SCN4A: variants seen among roughly 807,000 people sequenced by gnomAD.
The protein encoded by SCN4A is sodium channel protein type 4 subunit alpha.
In SCN4A, 83 loss-of-function variants were observed where a neutral mutation model predicts 162.0. The ratio of observed to expected loss-of-function variants is 0.51; its 90% CI spans 0.43 to 0.61. The LOEUF (loss-of-function observed/expected upper bound fraction) is 0.61, where lower values mean the gene tolerates loss of function less well. Ranked by LOEUF, SCN4A falls within the 20% of genes least tolerant of loss-of-function variation. SCN4A has a pLI of 0.00. For synonymous variants in SCN4A, 944 were observed against 985.1 expected, an observed-to-expected ratio of 0.96 and a Z score of 0.78; for missense variants, 2,196 against 2,462.5, an observed-to-expected ratio of 0.89 and a Z score of 2.29.
intron 23 of SCN4A, among the ~76,000 whole-genome samples, chr17:63,942,428 TG>T (rs1908572580): frequency 6.6e-6 from 1 of 152,188 alleles, no homozygotes; most frequent in African/African-American, 2.4e-5. Flanking sequence ...ATCATGACAT[TG>T]TTATGAACAA....
chr17:63,945,453 G>C lies in SCN4A; in HGVS notation c.3627C>G (p.Cys1209Trp). ...CCTGGCCTGTGTGCATGAGGCTCTC[G>C]CACTCAGACTTGTTGTTGACCTCGG... ...DISEVNNKSE[C>W]ESLMHTGQVR... The change falls in exon 19 of 24, where the codon TGC becomes TGG. Residue 1209 changes from cysteine to tryptophan, a missense_variant. By Grantham distance (215) the Cys-to-Trp change is radical. Coordinates refer to ENST00000435607, the MANE Select transcript of SCN4A (RefSeq NM_000334.4). This position sits in a 1 kb window ranked among gnomAD's most constrained non-coding sequence, Gnocchi z 4.4. 6.2e-7 allele frequency: 1 copy of C among 1,613,890 alleles called. No individual in the cohort carries two copies. The highest frequency in any genetic ancestry group is 8.5e-7 in the Non-Finnish European group (1 of 1,179,806).
At chr17:63,969,498 C>A (rs1909553628) in intron 5 of SCN4A, among the ~76,000 whole-genome samples, 2 of 152,334 alleles carry the variant, frequency 1.3e-5, no homozygotes, top group East Asian at 1.9e-4. Context: ...AGAGGAAAGG[C>A]AATGCCGTCT....
Position 63,945,472 on chromosome 17 carries a change from A to C in SCN4A, c.3608T>G (p.Val1203Gly). 6.2e-7 allele frequency: 1 copy of C among 1,613,918 alleles called. No homozygotes were observed. Among genetic ancestry groups the C allele is most frequent in the Non-Finnish European group, 8.5e-7 (1 of 1,179,866 alleles). The part of the protein sequence containing the change: ...TTSERFDISE[V>G]NNKSECESLM... ...GCTCTCGCACTCAGACTTGTTGTTG[A>C]CCTCGGAGATGTCGAACCTCTCAGA... Residue 1203 changes from valine (V) to glycine (G), a missense_variant, in exon 19 of 24, where the codon GTC becomes GGC. By Grantham distance (109) the Val-to-Gly change is moderately radical (BLOSUM62 -3). Coordinates refer to ENST00000435607, the MANE Select transcript of SCN4A (RefSeq NM_000334.4). This position sits in a 1 kb window ranked among gnomAD's most constrained non-coding sequence, Gnocchi z 4.4.
Position 63,959,247 on chromosome 17 carries a change from C to G in SCN4A, c.2019+18G>C. The G allele has an allele frequency of 6.2e-7, 1 of 1,602,332 alleles. No homozygotes were observed. The highest frequency in any genetic ancestry group is 8.5e-7 in the Non-Finnish European group (1 of 1,171,184). The stretch of plus-strand genomic sequence containing the variant: ...CCCCACCCCCATCCCAGCCCCTGGC[C>G]CTGGGGCTTTTGTGTACCAGACGGA... On this transcript the variant is annotated intron_variant, in intron 12 of 23. Coordinates refer to ENST00000435607, the MANE Select transcript of SCN4A (RefSeq NM_000334.4).
rs755045363 is a variant in SCN4A, at chr17:63,972,434, G to A, written c.310C>T (p.Arg104Cys). The stretch of plus-strand genomic sequence containing the variant: ...TAGAGAGCAGGTGTGGCGGAGAAGC[G>A]GAAGATGGCCTTGCCCTTGTTGAGT... Reference protein sequence around the residue: ...IVLNKGKAIFRFSATPALYLL... With the variant: ...IVLNKGKAIFCFSATPALYLL... The change falls in exon 2 of 24, where the codon CGC (arginine) becomes TGC (cysteine). Residue 104 changes from arginine to cysteine, a missense_variant. By Grantham distance (180) the Arg-to-Cys change is radical (BLOSUM62 -3). Transcript: ENST00000435607. This position sits in a 1 kb window ranked among gnomAD's most constrained non-coding sequence, Gnocchi z 4.3. 5.0e-6 allele frequency: 8 copies of A among 1,613,972 alleles called. No homozygotes were observed. Among genetic ancestry groups the A allele is most frequent in the East Asian group, 2.2e-5 (1 of 44,882 alleles).
In SCN4A at chr17:63,945,476, CGGA is replaced by C; in HGVS notation, c.3601_3603del (p.Ser1201del). 1 of 1,613,960 alleles carries C rather than the reference CGGA, an allele frequency of 6.2e-7. No individual in the cohort carries two copies. Among genetic ancestry groups the C allele is most frequent in the African/African-American group, 1.3e-5 (1 of 75,020 alleles). ...TCGCACTCAGACTTGTTGTTGACCT[CGGA>C]GATGTCGAACCTCTCAGAGGTGGTG... On this transcript the variant is annotated inframe_deletion, in exon 19 of 24. Transcript: ENST00000435607. The surrounding 1 kb of genome is among the most constrained non-coding windows in gnomAD (Gnocchi z 4.4).
chr17:63,972,490 G>A lies in SCN4A; in HGVS notation c.274-20C>T, dbSNP rs763633540. 8 of 1,611,826 alleles carry A rather than the reference G, an allele frequency of 5.0e-6. No homozygotes were observed. Among genetic ancestry groups the A allele is most frequent in the Non-Finnish European group, 5.9e-6 (7 of 1,178,806 alleles). On this transcript the variant is annotated intron_variant, in intron 1 of 23. Transcript: ENST00000435607. This position sits in a 1 kb window ranked among gnomAD's most constrained non-coding sequence, Gnocchi z 4.3. Reference sequence around the variant, plus strand: ...GAAGGTCTAAGGTGGGAGAGAGGCTGTGAGACCCAGGGACAGACAGACAGG... The same window carrying A: ...GAAGGTCTAAGGTGGGAGAGAGGCTATGAGACCCAGGGACAGACAGACAGG...
intron 10 of SCN4A, among the ~76,000 whole-genome samples, chr17:63,961,874 A>ACCCCCGGCTCCAAGCT (rs1567825029): frequency 3.5e-4 from 4 of 11,506 alleles, no homozygotes; most frequent in Non-Finnish European, 4.9e-4. Flanking sequence ...TCAAAGCCCC[A>ACCCCCGGCTCCAAGCT]CCCCCGGCTC....
In SCN4A at chr17:63,942,988, T is replaced by A. The variant is rs2058194; in HGVS notation, c.4126A>T (p.Asn1376Tyr). 6.2e-7 allele frequency: 1 copy of A among 1,613,800 alleles called. No homozygotes were observed. Among genetic ancestry groups the A allele is most frequent in the Non-Finnish European group, 8.5e-7 (1 of 1,179,832 alleles). Residue 1376 changes from asparagine (N) to tyrosine (Y), a missense_variant, in exon 23 of 24, where the codon AAC becomes TAC. Coordinates refer to ENST00000435607, the MANE Select transcript of SCN4A (RefSeq NM_000334.4). Reference sequence around the variant, plus strand: ...ATGTCCACCTTGAGCTGGCTCTGGTTGTCTGTCTCCACCATCATGGTGACC... The same window carrying A: ...ATGTCCACCTTGAGCTGGCTCTGGTAGTCTGTCTCCACCATCATGGTGACC... ...NMVTMMVETDNQSQLKVDILY... is the reference protein window; with the variant it reads ...NMVTMMVETDYQSQLKVDILY...
At chr17:63,966,669 G>T in intron 6 of SCN4A, 125 bp from the exon 7 acceptor site, 1 of 707,474 alleles carries the variant, frequency 1.4e-6, no homozygotes, top group Non-Finnish European at 2.5e-6. Context: ...ATGTTCCCTG[G>T]CTGCCTCTTC....
In SCN4A at chr17:63,940,391, TG is replaced by T; in HGVS notation, c.*379del. 4.8e-6 allele frequency: 1 copy of T among 208,660 alleles called. No homozygotes were observed. 12.9% of individuals were successfully genotyped at this position (208,660 alleles called of 1,614,324 possible). A position where few individuals can be genotyped will look rare whatever the true frequency, so the allele number is the denominator to read the frequency against. Reference sequence around the variant, plus strand: ...CCAGTGACCCTTAAGACTCTGGTGATGGGGGGCAACTGATCCCTCCACCGCA... The same window carrying T: ...CCAGTGACCCTTAAGACTCTGGTGATGGGGGCAACTGATCCCTCCACCGCA... On this transcript the variant is annotated 3_prime_UTR_variant, in exon 24 of 24. Transcript: ENST00000435607.
chr17:63,946,462 G>GCCACCC (rs1908721533), intron 18 of SCN4A, among the ~76,000 whole-genome samples: 1 of 106,662 alleles, frequency 9.4e-6, no homozygotes, highest in African/African-American at 4.4e-5. Context: ...CATTTTTCTT[G>GCCACCC]CCCCCCCCCC....
Position 63,957,256 on chromosome 17 carries a change from T to A in SCN4A, c.2282A>T (p.Glu761Val), listed in dbSNP as rs777866362. 1 of 1,613,692 alleles carries A rather than the reference T, an allele frequency of 6.2e-7. No individual in the cohort carries two copies. The highest frequency in any genetic ancestry group is 8.5e-7 in the Non-Finnish European group (1 of 1,179,720). Residue 761 changes from glutamate (E) to valine (V), a missense_variant, in exon 13 of 24, where the codon GAG becomes GTG. Physicochemically the swap from Glu to Val is moderately radical, Grantham distance 121. Transcript: ENST00000435607. ...GCAGTCCCACATGGTCTCGATCCAC[T>A]CCCCGCACAGGATGCGGAAGACGAT... ...FLIVFRILCG[E>V]WIETMWDCME...
At position 63,964,679 on chromosome 17, in the gene SCN4A, TGGGAGTGGAGGGAGA is replaced by T. The variant is rs771943636; in HGVS notation, c.1243-17_1243-3del. 3.1e-6 allele frequency: 5 copies of T among 1,602,300 alleles called. No individual in the cohort carries two copies. Among genetic ancestry groups the T allele is most frequent in the African/African-American group, 2.7e-5 (2 of 74,846 alleles). On this transcript the variant is annotated splice_region_variant and splice_polypyrimidine_tract_variant and intron_variant, in intron 8 of 23. Transcript: ENST00000435607. The stretch of plus-strand genomic sequence containing the variant: ...GGTCTTGCCAGCTGCTCGAAGGGTC[TGGGAGTGGAGGGAGA>T]GGGAGTGGAGGGGTCCCATGACGTC...
intron 7 of SCN4A, 39 bp downstream of exon 7, chr17:63,966,442 C>T (rs776361912): frequency 6.3e-7 from 1 of 1,588,306 alleles, no homozygotes; most frequent in African/African-American, 1.3e-5. Flanking sequence ...CTTCCAAGAC[C>T]CCTGGGGTGC....
At position 63,961,244 on chromosome 17, in the gene SCN4A, T is replaced by C. The variant is rs779875053; in HGVS notation, c.1794A>G (p.Glu598=). 1.2e-6 allele frequency: 2 copies of C among 1,603,082 alleles called. No individual in the cohort carries two copies. Among genetic ancestry groups the C allele is most frequent in the South Asian group, 2.2e-5 (2 of 90,790 alleles). The part of the protein sequence containing the change: ...IVLNTLFMAM[E]HYPMTEHFDN... The stretch of plus-strand genomic sequence containing the variant: ...CAAAGTGCTCCGTCATGGGGTAATG[T>C]TCCATGGCCATGAAGAGGGTGTTGA... Residue 598 remains glutamate (E), a synonymous_variant, in exon 11 of 24, where the codon GAA becomes GAG. Coordinates refer to ENST00000435607, the MANE Select transcript of SCN4A (RefSeq NM_000334.4).
Position 63,962,811 on chromosome 17 carries a change from C to T in SCN4A, c.1606+861G>A, listed in dbSNP as rs77232796. ...AAACTTCTCACAGTGGTCCCAGGAACGGCAGGGTGGAGAGGCCTCCTCCCC... is the reference window on the plus strand; with the variant it reads ...AAACTTCTCACAGTGGTCCCAGGAATGGCAGGGTGGAGAGGCCTCCTCCCC... On this transcript the variant is annotated intron_variant, in intron 10 of 23. Transcript: ENST00000435607. 4.7e-4 allele frequency among the ~76,000 whole-genome samples: 71 copies of T among 152,254 alleles called. 1 individual carries two copies. Among genetic ancestry groups the T allele is most frequent in the African/African-American group, 1.5e-3 (63 of 41,538 alleles).
intron 10 of SCN4A, 47 bp downstream of exon 10, chr17:63,963,625 C>A: frequency 6.7e-7 from 1 of 1,490,100 alleles, no homozygotes; most frequent in South Asian, 1.4e-5. Flanking sequence ...CCAGTCCAGC[C>A]AGGCTCCACC....
rs917558 is a variant in SCN4A, at chr17:63,964,244, A to G, written c.1452+224T>C. 0.8 allele frequency among the ~76,000 whole-genome samples: 121,882 copies of G among 152,214 alleles called. 50,879 individuals are homozygous for G. Among genetic ancestry groups the G allele is most frequent in the East Asian group, 0.97 (5,040 of 5,184 alleles). ...TCCAGATTCCTTGTTATAGACAGGG[A>G]AACTGAGGCACAGAGCAGAGAAATG... On this transcript the variant is annotated intron_variant, in intron 9 of 23. Coordinates refer to ENST00000435607, the MANE Select transcript of SCN4A (RefSeq NM_000334.4).
Sources: gnomAD v4.1 joint callset for allele counts (sites outside exome capture counted in the v4.1 genomes callset) on GRCh38, gnomAD v4.1.1 for gene constraint, Gnocchi (gnomAD v3.1) non-coding constraint, MANE v1.5 for transcripts, NCBI Gene and HGNC (gene_info 2026-07-23, HGNC 2026-07-21) for gene names.